Variants in DNASE1 observed in about 807,000 individuals in gnomAD.
DNASE1 encodes the protein deoxyribonuclease 1, also known as deoxyribonuclease-1.
A neutral mutation model predicts 33.9 loss-of-function variants in DNASE1; 40 were observed. The ratio of observed to expected loss-of-function variants is 1.18; its 90% CI spans 0.92 to 1.54. The LOEUF (loss-of-function observed/expected upper bound fraction) is 1.54. DNASE1 is among the 40% of genes most tolerant of loss of function. The probability of loss-of-function intolerance (pLI) is 0.00; values close to 1 mark genes in which losing one functional copy is unlikely to be tolerated. For synonymous variants in DNASE1, 216 were observed against 160.0 expected (o/e 1.35, Z -2.64); for missense variants, 518 against 372.6 (o/e 1.39, Z -3.21).
At position 3,658,024 on chromosome 16, in the gene DNASE1, G is replaced by T. The variant is rs2042814419; in HGVS notation, c.*71G>T. On this transcript the variant is annotated 3_prime_UTR_variant, in exon 9 of 9. Transcript: ENST00000246949. The stretch of plus-strand genomic sequence containing the variant: ...TCCTGCCACAGGACCCAGAAAAAAA[G>T]CCCAACACACACTCGGGTTAAGAAA... The T allele has an allele frequency of 1.2e-6, 2 of 1,610,420 alleles. No individual in the cohort carries two copies. The highest frequency in any genetic ancestry group is 2.2e-5 in the South Asian group (2 of 90,782).
At chr16:3,639,594 A>G (rs1375791064), upstream of DNASE1, among the ~76,000 whole-genome samples, 2 of 152,116 alleles carry the variant, frequency 1.3e-5, no homozygotes, top group African/African-American at 4.8e-5. Context: ...TTACTCTAGG[A>G]TGTTCTGTGG....
Position 3,635,892 on chromosome 16 carries a change from A to G in DNASE1, c.-1358-4823A>G, listed in dbSNP as rs144855266. 6.8e-3 allele frequency among the ~76,000 whole-genome samples: 1,040 copies of G among 152,218 alleles called. 5 individuals carry two copies. Among genetic ancestry groups the G allele is most frequent in the African/African-American group, 0.023 (973 of 41,534 alleles). ...TTTCTGTAGTTTATTGTATGCTTAC[A>G]TGTAGTTTTGTTCTGTTTTTGTTTT... On this transcript the variant is annotated intron_variant and NMD_transcript_variant, in intron 1 of 11. Coordinates refer to the DNASE1 transcript ENST00000570769.
chr16:3,623,249 G>A (rs949181145), intron 1 of DNASE1, among the ~76,000 whole-genome samples: 8 of 152,088 alleles, frequency 5.3e-5, no homozygotes, highest in African/African-American at 1.9e-4. Flanking sequence ...GGAAGGACAC[G>A]CTATTCAATA....
Position 3,655,398 on chromosome 16 carries a change from G to T in DNASE1, c.25G>T (p.Ala9Ser). The T allele has an allele frequency of 6.2e-7, 1 of 1,614,140 alleles. No individual in the cohort carries two copies. Among genetic ancestry groups the T allele is most frequent in the Non-Finnish European group, 8.5e-7 (1 of 1,180,026 alleles). The change falls in exon 2 of 9, where the codon GCG becomes TCG. Residue 9 changes from alanine (A) to serine (S), a missense_variant. Ala to Ser is a moderately conservative substitution (Grantham distance 99). Coordinates refer to ENST00000246949, the MANE Select transcript of DNASE1 (RefSeq NM_005223.4). ...GATGAGGGGCATGAAGCTGCTGGGGGCGCTGCTGGCACTGGCGGCCCTACT... is the reference window on the plus strand; with the variant it reads ...GATGAGGGGCATGAAGCTGCTGGGGTCGCTGCTGGCACTGGCGGCCCTACT... MRGMKLLG[A>S]LLALAALLQG...
intron 1 of DNASE1, among the ~76,000 whole-genome samples, chr16:3,613,914 T>A (rs1050502282): frequency 1.3e-4 from 17 of 132,706 alleles, no homozygotes; most frequent in East Asian, 2.6e-4. Context: ...GCTAATTTTT[T>A]TTTTTTTTTT....
At chr16:3,635,230 G>T (rs1025519015) in intron 1 of DNASE1, among the ~76,000 whole-genome samples, 3 of 152,144 alleles carry the variant, frequency 2.0e-5, no homozygotes, top group African/African-American at 7.2e-5. Context: ...GGCTGAGGCA[G>T]ATGGATCGCT....
Position 3,654,788 on chromosome 16 carries a change from ACT to A in DNASE1, c.-254_-253del, listed in dbSNP as rs2042488485. 2 of 400,926 alleles carry A rather than the reference ACT, an allele frequency of 5.0e-6. No homozygotes were observed. Among genetic ancestry groups the A allele is most frequent in the South Asian group, 1.2e-4 (1 of 8,042 alleles). 24.8% of individuals were successfully genotyped at this position (400,926 alleles called of 1,614,324 possible). Reference sequence around the variant, plus strand: ...GCCACACAGAGCCATTGTTTTCTGCACTCTCAGGTGACGGCTCACATTTGCCC... The same window carrying A: ...GCCACACAGAGCCATTGTTTTCTGCACTCAGGTGACGGCTCACATTTGCCC... On this transcript the variant is annotated 5_prime_UTR_variant, in exon 1 of 9. An upstream open reading frame in the 5' UTR loses its in-frame stop. Transcript: ENST00000246949.
intron 1 of DNASE1, among the ~76,000 whole-genome samples, chr16:3,637,862 T>TA (rs1473863048): frequency 6.6e-6 from 1 of 152,148 alleles, no homozygotes; most frequent in South Asian, 2.1e-4. Context: ...CCTGCTCAGG[T>TA]AAGCTCCAGT....
chr16:3,664,550 GC>G, exon 10 of DNASE1: 9 of 1,372,048 alleles, frequency 6.6e-6, no homozygotes, highest in Non-Finnish European at 8.8e-6. Context: ...GATGCCCATG[GC>G]CTCCTGGCAC....
intron 1 of DNASE1, among the ~76,000 whole-genome samples, chr16:3,612,648 A>T (rs767741836): frequency 6.8e-6 from 1 of 147,588 alleles, no homozygotes; most frequent in South Asian, 2.1e-4. Flanking sequence ...GCCGCAAGAG[A>T]TCCTCCCGCC....
chr16:3,638,181 G>A (rs1034876589), upstream of DNASE1, among the ~76,000 whole-genome samples: 11 of 150,256 alleles, frequency 7.3e-5, no homozygotes, highest in South Asian at 4.2e-4. Context: ...TTGTCTTTCC[G>A]CTTACAGCAG....
Position 3,657,340 on chromosome 16 carries a change from A to T in DNASE1, c.703A>T (p.Arg235Trp), listed in dbSNP as rs139254891. 119 of 1,612,770 alleles carry T rather than the reference A, an allele frequency of 7.4e-5. No homozygotes were observed. Among genetic ancestry groups the T allele is most frequent in the Non-Finnish European group, 1.0e-4 (118 of 1,179,958 alleles). Residue 235 changes from arginine (R) to tryptophan (W), a missense_variant and splice_region_variant, in exon 7 of 9, where the codon AGG (arginine) becomes TGG (tryptophan). Coordinates refer to ENST00000246949, the MANE Select transcript of DNASE1 (RefSeq NM_005223.4). Reference protein sequence around the residue: ...TATPTHCAYDRIVVAGMLLRG... With the variant: ...TATPTHCAYDWIVVAGMLLRG... ...TACACCCACGCACTGTGCCTATGACAGGTGAGCAGGGCCTCGCGCTTAGGG... is the reference window on the plus strand; with the variant it reads ...TACACCCACGCACTGTGCCTATGACTGGTGAGCAGGGCCTCGCGCTTAGGG...
chr16:3,634,469 C>T (rs2041806715), intron 1 of DNASE1, among the ~76,000 whole-genome samples: 1 of 151,948 alleles, frequency 6.6e-6, no homozygotes. Flanking sequence ...ACCTCGTGAT[C>T]TGCCCACCTC....
At chr16:3,638,931 C>G (rs1395797570), upstream of DNASE1, among the ~76,000 whole-genome samples, 2 of 152,280 alleles carry the variant, frequency 1.3e-5, no homozygotes, top group East Asian at 3.9e-4. Context: ...TTTTTACTGT[C>G]TCTGGAAGTT....
chr16:3,655,156 G>T, intron 1 of DNASE1, 112 bp downstream of exon 1: 2 of 630,558 alleles, frequency 3.2e-6, no homozygotes, highest in Non-Finnish European at 5.5e-6. Flanking sequence ...CGTCCCTCCC[G>T]GGCGGGTTTT....
chr16:3,625,211 C>T (rs1252656416), intron 1 of DNASE1, among the ~76,000 whole-genome samples: 4 of 152,118 alleles, frequency 2.6e-5, no homozygotes, highest in Non-Finnish European at 4.4e-5. Flanking sequence ...GAGGCTGAGG[C>T]AGGAGAATTG....
downstream of DNASE1, chr16:3,662,176 G>C (rs1330349650): frequency 2.5e-5 from 39 of 1,584,502 alleles, no homozygotes; most frequent in Non-Finnish European, 3.2e-5. Context: ...GGTTCCCAAT[G>C]TGAGAGGGCT....
upstream of DNASE1, chr16:3,641,146 G>A: frequency 5.1e-6 from 2 of 393,904 alleles, no homozygotes; most frequent in Non-Finnish European, 8.9e-6. Flanking sequence ...TGGCCCTGCT[G>A]CAGCTCCACG....
chr16:3,623,216 A>G (rs946783611), intron 1 of DNASE1, among the ~76,000 whole-genome samples: 7 of 152,200 alleles, frequency 4.6e-5, no homozygotes, highest in African/African-American at 1.7e-4. Context: ...GATCTTCAAT[A>G]AAGTTGACAA....
Sources: gnomAD v4.1 joint callset for allele counts (sites outside exome capture counted in the v4.1 genomes callset) on GRCh38, gnomAD v4.1.1 for gene constraint, MANE v1.5 for transcripts, NCBI Gene and HGNC (gene_info 2026-07-23, HGNC 2026-07-21) for gene names.